Variants in WDR70 observed in about 807,000 individuals in gnomAD.
WDR70 encodes WD repeat domain 70.
A neutral mutation model predicts 88.6 loss-of-function variants in WDR70; 53 were observed. The observed-to-expected ratio is 0.60, with a 90% CI of 0.48 to 0.75. WDR70 has a LOEUF of 0.75. Among genes scored for constraint, WDR70 ranks in the 30% least tolerant of loss-of-function variants. The probability of loss-of-function intolerance (pLI) is 0.00; values close to 1 mark genes in which losing one functional copy is unlikely to be tolerated. For missense variants in WDR70, 610 were observed against 823.2 expected (o/e 0.74, Z 3.17); for synonymous variants, 280 against 270.0 (o/e 1.04, Z -0.36).
At chr5:37,564,768 T>C (rs1323386168) in intron 9 of WDR70, among the ~76,000 whole-genome samples, 1 of 152,210 alleles carries the variant, frequency 6.6e-6, no homozygotes, top group Non-Finnish European at 1.5e-5. Context: ...TCCAATAAAA[T>C]TCATGATATC....
chr5:37,465,482 A>G (rs535621697), intron 7 of WDR70, among the ~76,000 whole-genome samples: 25 of 152,314 alleles, frequency 1.6e-4, no homozygotes, highest in African/African-American at 5.5e-4. Context: ...GTCAGTATAA[A>G]TTTGGAGGAG....
chr5:37,657,677 T>C (rs777993219), intron 10 of WDR70, among the ~76,000 whole-genome samples: 26 of 152,174 alleles, frequency 1.7e-4, no homozygotes, highest in Non-Finnish European at 1.0e-4. Flanking sequence ...TATATTGGAG[T>C]TCAAATCCCT....
intron 5 of WDR70, among the ~76,000 whole-genome samples, chr5:37,402,943 C>CTTTTT (rs1561838923): frequency 1.4e-4 from 6 of 41,716 alleles, no homozygotes; most frequent in African/African-American, 4.1e-4. Flanking sequence ...TCCCTCCCTC[C>CTTTTT]GTTTTTTTTT....
intron 10 of WDR70, among the ~76,000 whole-genome samples, chr5:37,620,585 A>T (rs1446220640): frequency 6.6e-6 from 1 of 152,186 alleles, no homozygotes; most frequent in Non-Finnish European, 1.5e-5. Context: ...AAAGGAGTTA[A>T]CCATAGCAAT....
chr5:37,691,133 C>A (rs200697973), intron 10 of WDR70, among the ~76,000 whole-genome samples: 1 of 152,056 alleles, frequency 6.6e-6, no homozygotes, highest in East Asian at 1.9e-4. Flanking sequence ...AAAGCCATTG[C>A]ATAATGGTAA....
At chr5:37,730,900 T>A (rs1366508445) in intron 17 of WDR70, among the ~76,000 whole-genome samples, 1 of 152,148 alleles carries the variant, frequency 6.6e-6, no homozygotes, top group Non-Finnish European at 1.5e-5. Flanking sequence ...TTAGCATGCA[T>A]TCCTTAGAAG....
At chr5:37,546,547 G>A (rs1741999434) in intron 9 of WDR70, among the ~76,000 whole-genome samples, 1 of 152,126 alleles carries the variant, frequency 6.6e-6, no homozygotes, top group Admixed American at 6.5e-5. Flanking sequence ...TTTTTATCCT[G>A]AAATCAATAT....
intron 9 of WDR70, among the ~76,000 whole-genome samples, chr5:37,534,661 C>A (rs981733310): frequency 6.6e-6 from 1 of 151,988 alleles, no homozygotes; most frequent in South Asian, 2.1e-4. Flanking sequence ...CCACACCTGG[C>A]TAATTTTTGT....
At chr5:37,505,565 C>T (rs1351234034) in intron 8 of WDR70, 17 of 658,768 alleles carry the variant, frequency 2.6e-5, no homozygotes, top group Admixed American at 5.0e-5. Flanking sequence ...GCATAATTCT[C>T]TCAATGTTTT....
At chr5:37,575,485 C>T (rs6863019) in intron 9 of WDR70, among the ~76,000 whole-genome samples, 5,270 of 152,142 alleles carry the variant, frequency 0.035, 314 homozygotes, top group African/African-American at 0.12. Flanking sequence ...CCCCCATCCT[C>T]CAGGGAGAGG....
chr5:37,525,771 T>C (rs770173651), intron 9 of WDR70, among the ~76,000 whole-genome samples: 11 of 151,962 alleles, frequency 7.2e-5, no homozygotes, highest in Non-Finnish European at 1.2e-4. Context: ...AAGAATCAAA[T>C]AGATGCAATA....
At chr5:37,433,519 C>G (rs1750377366) in intron 5 of WDR70, among the ~76,000 whole-genome samples, 2 of 152,138 alleles carry the variant, frequency 1.3e-5, no homozygotes, top group Non-Finnish European at 2.9e-5. Context: ...CTGCTGATCC[C>G]CAAATGCAAG....
At chr5:37,537,401 T>G (rs1741695986) in intron 9 of WDR70, among the ~76,000 whole-genome samples, 1 of 152,126 alleles carries the variant, frequency 6.6e-6, no homozygotes, top group Admixed American at 6.6e-5. Flanking sequence ...GAATAGTAGT[T>G]TGATTAAAAT....
At chr5:37,614,225 G>A (rs74714534) in intron 10 of WDR70, among the ~76,000 whole-genome samples, 4,896 of 152,130 alleles carry the variant, frequency 0.032, 95 homozygotes, top group Non-Finnish European at 0.042. Context: ...TTGGCTCCTG[G>A]CACACTTCCT....
At chr5:37,559,059 G>A (rs528098208) in intron 9 of WDR70, among the ~76,000 whole-genome samples, 9 of 151,910 alleles carry the variant, frequency 5.9e-5, no homozygotes, top group Middle Eastern at 6.8e-3. Context: ...TCAGCCTCCC[G>A]AGGAGCTGGG....
At chr5:37,626,367 T>A (rs1744665856) in intron 10 of WDR70, among the ~76,000 whole-genome samples, 1 of 152,262 alleles carries the variant, frequency 6.6e-6, no homozygotes, top group Non-Finnish European at 1.5e-5. Flanking sequence ...TCTATTGAGA[T>A]CATCTTGTGG....
chr5:37,393,045 C>G (rs1748893542), intron 4 of WDR70, among the ~76,000 whole-genome samples: 1 of 151,764 alleles, frequency 6.6e-6, no homozygotes, highest in Admixed American at 6.6e-5. Context: ...TTTTGTTATT[C>G]TTTTTTTTGT....
In WDR70 at chr5:37,597,162, T is replaced by C. The variant is rs568914414; in HGVS notation, c.918-7902T>C. Among the ~76,000 whole-genome samples the C allele has an allele frequency of 2.0e-5, 3 of 152,238 alleles. No individual in the cohort carries two copies. In the South Asian group the frequency reaches 6.2e-4, roughly 31 times the overall value. On this transcript the variant is annotated intron_variant, in intron 9 of 17. Transcript: ENST00000265107. ...AACAAAGCTGCTGTAATTATTCATC[T>C]ACAGCTTTTTATTGTTTTTTAAAAA...
intron 7 of WDR70, among the ~76,000 whole-genome samples, chr5:37,474,658 G>A (rs971135421): frequency 5.3e-5 from 8 of 151,968 alleles, no homozygotes; most frequent in East Asian, 1.9e-4. Context: ...TTGCTGCACC[G>A]ATTAACCCAT....
Sources: allele counts gnomAD v4.1 joint callset (sites outside exome capture counted in the v4.1 genomes callset), GRCh38; gene constraint gnomAD v4.1.1; transcripts MANE v1.5; gene names NCBI Gene and HGNC (gene_info 2026-07-23, HGNC 2026-07-21).